RND1: variants seen among roughly 807,000 people sequenced by gnomAD.
RND1 encodes the protein rho-related GTP-binding protein Rho6.
RND1 carries 9 observed loss-of-function variants against 27.1 expected under a neutral mutation model. The ratio of observed to expected loss-of-function variants is 0.33; its 90% CI spans 0.20 to 0.58. The LOEUF is 0.58. RND1 is among the 20% of genes least tolerant of loss of function. The pLI is 0.86. For synonymous variants in RND1, 108 were observed against 115.7 expected, an observed-to-expected ratio of 0.93 and a Z score of 0.43; for missense variants, 253 against 292.2, an observed-to-expected ratio of 0.87 and a Z score of 0.98.
At chr12:48,859,587 T>TA (rs553645473) in intron 4 of RND1, among the ~76,000 whole-genome samples, 135 of 151,940 alleles carry the variant, frequency 8.9e-4, no homozygotes, top group Middle Eastern at 3.4e-3. Context: ...AGGGGTCTTA[T>TA]AAAAAATGCA....
At chr12:48,860,086 T>C (rs1254362468) in intron 4 of RND1, among the ~76,000 whole-genome samples, 3 of 150,716 alleles carry the variant, frequency 2.0e-5, no homozygotes, top group East Asian at 4.0e-4. Context: ...CCTTTTTTTT[T>C]TTTTTTTTTC....
chr12:48,857,872 C>A lies in RND1; in HGVS notation c.*124G>T, dbSNP rs1592209110. The A allele has an allele frequency of 8.4e-7, 1 of 1,190,028 alleles. No individual in the cohort carries two copies. Among genetic ancestry groups the A allele is most frequent in the Non-Finnish European group, 1.2e-6 (1 of 859,758 alleles). 73.7% of individuals were successfully genotyped at this position (1,190,028 alleles called of 1,614,324 possible). A position where few individuals can be genotyped will look rare whatever the true frequency, so the allele number is the denominator to read the frequency against. On this transcript the variant is annotated 3_prime_UTR_variant, in exon 5 of 5. Coordinates refer to ENST00000309739, the MANE Select transcript of RND1 (RefSeq NM_014470.4). ...CGCCCCATTCCTGTCTCCTTCCAAG[C>A]CCTCACCGTGGCCATCTGAAAAACT...
At chr12:48,861,197 TA>T in intron 3 of RND1, 66 bp from the exon 4 acceptor site, 2 of 1,516,572 alleles carry the variant, frequency 1.3e-6, no homozygotes, top group Non-Finnish European at 1.8e-6. Flanking sequence ...GGCAGACAGA[TA>T]CCAGGAGAAG....
At chr12:48,860,112 C>T (rs1447158115) in intron 4 of RND1, among the ~76,000 whole-genome samples, 7 of 140,554 alleles carry the variant, frequency 5.0e-5, no homozygotes, top group Admixed American at 1.5e-4. Context: ...GACAGAGTCT[C>T]TCACTCTGTC....
chr12:48,865,705 G>A lies in RND1; in HGVS notation c.63C>T (p.Asp21=), dbSNP rs907111249. ...ACATCGCGGTCTTCCCACACTGCAC[G>A]TCCCCGACCAGAACGAGCTTACATC... is the stretch of plus-strand genomic sequence containing the variant. ...VARCKLVLVG[D]VQCGKTAMLQ... is the part of the protein sequence containing the mutation. Residue 21 remains aspartate, a synonymous_variant, in exon 1 of 5, where the codon GAC becomes GAT. Coordinates refer to ENST00000309739, the MANE Select transcript of RND1 (RefSeq NM_014470.4). 1.2e-6 allele frequency: 2 copies of A among 1,614,034 alleles called. No individual in the cohort carries two copies. Among genetic ancestry groups the A allele is most frequent in the South Asian group, 1.1e-5 (1 of 91,080 alleles).
At position 48,862,017 on chromosome 12, in the gene RND1, G is replaced by T; in HGVS notation, c.310C>A (p.Leu104Ile). The T allele has an allele frequency of 6.3e-7, 1 of 1,586,240 alleles. No individual in the cohort carries two copies. Among genetic ancestry groups the T allele is most frequent in the Non-Finnish European group, 8.7e-7 (1 of 1,154,576 alleles). The change falls in exon 3 of 5, where the codon CTC becomes ATC. Residue 104 changes from leucine (L) to isoleucine (I), a missense_variant. Coordinates refer to ENST00000309739, the MANE Select transcript of RND1 (RefSeq NM_014470.4). The part of the protein sequence containing the change: ...ISRPETVDSA[L>I]KKWRTEILDY... ...AGTTGATCTAGTCTTACCTTCTTGAGTGCGCTGTCCACTGTCTCTGGACGG... is the reference window on the plus strand; with the variant it reads ...AGTTGATCTAGTCTTACCTTCTTGATTGCGCTGTCCACTGTCTCTGGACGG...
chr12:48,859,495 G>T (rs903031622), intron 4 of RND1, among the ~76,000 whole-genome samples: 1 of 151,812 alleles, frequency 6.6e-6, no homozygotes, highest in Admixed American at 6.6e-5. Context: ...AGCTGAGATC[G>T]CACCACTGCA....
chr12:48,857,789 T>G lies in RND1; in HGVS notation c.*207A>C. 2.1e-6 allele frequency: 1 copy of G among 471,846 alleles called. No homozygotes were observed. The highest frequency in any genetic ancestry group is 3.6e-6 in the Non-Finnish European group (1 of 280,122). The allele number at this position is 471,846 out of a possible 1,614,324, so 29.2% of individuals were successfully genotyped here. A position where few individuals can be genotyped will look rare whatever the true frequency, so the allele number is the denominator to read the frequency against. On this transcript the variant is annotated 3_prime_UTR_variant, in exon 5 of 5. Coordinates refer to ENST00000309739, the MANE Select transcript of RND1 (RefSeq NM_014470.4). ...CCCCTCCAAAATCTAGTGCCTGGCT[T>G]GGGGTATGATGGTTCTCTCTCAGCG...
chr12:48,858,347 G>T, intron 4 of RND1, 106 bp from the exon 5 acceptor site: 8 of 1,202,128 alleles, frequency 6.7e-6, no homozygotes, highest in Non-Finnish European at 9.2e-6. Flanking sequence ...CCAGCTGCCA[G>T]TCTCCAAACA....
intron 4 of RND1, chr12:48,858,631 G>A (rs1164528493): frequency 3.0e-5 from 5 of 165,208 alleles, no homozygotes; most frequent in Admixed American, 6.2e-5. Flanking sequence ...CTAGGTGGCC[G>A]GGCGCGGTGG....
rs1938980685 is a variant in RND1 at position 48,865,826 on chromosome 12, G to T, written c.-59C>A. On this transcript the variant is annotated 5_prime_UTR_variant, in exon 1 of 5. Coordinates refer to ENST00000309739, the MANE Select transcript of RND1 (RefSeq NM_014470.4). ...CAGAAGGGAGGGTTGCGCCAGGTGC[G>T]TCTCAGCACGCCAATCAAGCCAGAT... The T allele has an allele frequency of 2.0e-6, 3 of 1,532,970 alleles. No homozygotes were observed. Among genetic ancestry groups the T allele is most frequent in the African/African-American group, 2.7e-5 (2 of 73,060 alleles). The allele number at this position is 1,532,970 out of a possible 1,614,324, so 95.0% of individuals were successfully genotyped here.
In RND1 at chr12:48,861,061, C is replaced by T. The variant is rs267603489; in HGVS notation, c.389G>A (p.Arg130Gln). 11 of 1,613,948 alleles carry T rather than the reference C, an allele frequency of 6.8e-6. No individual in the cohort carries two copies. The highest frequency in any genetic ancestry group is 1.3e-5 in the African/African-American group (1 of 74,890). Residue 130 changes from arginine to glutamine, a missense_variant, in exon 4 of 5, where the codon CGA (arginine) becomes CAA (glutamine). By Grantham distance (43) the Arg-to-Gln change is conservative. Transcript: ENST00000309739. ...VLLIGCKTDL[R>Q]TDLSTLMELS... is the part of the protein sequence containing the mutation. ...CTCCATCAGAGTACTCAGGTCTGTT[C>T]GCAGGTCTGTCTTGCAGCCAATGAG...
At chr12:48,864,926 T>G (rs2137510835) in intron 1 of RND1, 56 bp from the exon 2 acceptor site, 3 of 1,319,820 alleles carry the variant, frequency 2.3e-6, no homozygotes, top group Non-Finnish European at 3.3e-6. Context: ...GATCCCCTGG[T>G]TAGTGCTGGC....
intron 2 of RND1, among the ~76,000 whole-genome samples, chr12:48,862,561 G>T (rs1340680194): frequency 2.0e-5 from 3 of 152,122 alleles, no homozygotes; most frequent in Non-Finnish European, 4.4e-5. Flanking sequence ...TACATAACCT[G>T]CCTGCTGCTT....
intron 2 of RND1, among the ~76,000 whole-genome samples, chr12:48,863,429 G>A (rs151329872): frequency 6.6e-6 from 1 of 152,226 alleles, no homozygotes; most frequent in African/African-American, 2.4e-5. Context: ...GGGAGGAGGT[G>A]GGGGGAGGGC....
chr12:48,859,890 G>T lies in RND1; in HGVS notation c.453+1107C>A, dbSNP rs1422063038. ...GATCACACTTTTTTTTCTTGAAATA[G>T]AGTCTCACTCTGTTGCCCAGGGATT... On this transcript the variant is annotated intron_variant, in intron 4 of 4. Coordinates refer to ENST00000309739, the MANE Select transcript of RND1 (RefSeq NM_014470.4). Among the ~76,000 whole-genome samples the T allele has an allele frequency of 3.3e-5, 5 of 152,046 alleles. No individual in the cohort carries two copies. The East Asian group carries it at 9.7e-4, about 29-fold the overall frequency.
At chr12:48,864,136 A>C (rs1938952934) in intron 2 of RND1, among the ~76,000 whole-genome samples, 1 of 152,072 alleles carries the variant, frequency 6.6e-6, no homozygotes, top group Admixed American at 6.6e-5. Flanking sequence ...ACTATGCCCT[A>C]TATTAAGCCA....
intron 4 of RND1, among the ~76,000 whole-genome samples, chr12:48,859,810 C>T (rs1040925379): frequency 1.3e-5 from 2 of 152,066 alleles, no homozygotes; most frequent in Admixed American, 6.6e-5. Context: ...CACTTGAGTC[C>T]GGGAGGTCAA....
Position 48,865,846 on chromosome 12 carries a change from C to A in RND1, c.-79G>T. On this transcript the variant is annotated 5_prime_UTR_variant, in exon 1 of 5. Coordinates refer to ENST00000309739, the MANE Select transcript of RND1 (RefSeq NM_014470.4). Reference sequence around the variant, plus strand: ...GGTGCGTCTCAGCACGCCAATCAAGCCAGATTCCCTGCCTCCCTCCAACTG... The same window carrying A: ...GGTGCGTCTCAGCACGCCAATCAAGACAGATTCCCTGCCTCCCTCCAACTG... 1 of 1,511,354 alleles carries A rather than the reference C, an allele frequency of 6.6e-7. No homozygotes were observed. The highest frequency in any genetic ancestry group is 1.3e-5 in the South Asian group (1 of 75,762). 93.6% of individuals were successfully genotyped at this position (1,511,354 alleles called of 1,614,324 possible).
Sources: allele counts gnomAD v4.1 joint callset (sites outside exome capture counted in the v4.1 genomes callset), GRCh38; gene constraint gnomAD v4.1.1; transcripts MANE v1.5; gene names NCBI Gene and HGNC (gene_info 2026-07-23, HGNC 2026-07-21).